Variants in ANK2 observed in about 807,000 individuals in gnomAD.
ANK2 encodes ankyrin 2.
Under a neutral mutation model 360.5 loss-of-function variants are expected in ANK2, and 83 were observed. The ratio of observed to expected loss-of-function variants is 0.23; its 90% CI spans 0.19 to 0.28. ANK2 has a LOEUF of 0.28. Among genes scored for constraint, ANK2 ranks in the 10% least tolerant of loss-of-function variants. The pLI is 1.00. For synonymous variants in ANK2, 1,740 were observed against 1,759.5 expected (o/e 0.99, Z 0.28); for missense variants, 4,201 against 4,795.7 (o/e 0.88, Z 3.66).
At chr4:112,785,572 C>T in the ANK2 span, among the ~76,000 whole-genome samples, 1 of 151,976 alleles carries the variant, frequency 6.6e-6, no homozygotes, top group Non-Finnish European at 1.5e-5. Flanking sequence ...GGGGTTTCAC[C>T]ATGTTGGTCA....
intron 22 of ANK2, among the ~76,000 whole-genome samples, chr4:113,298,037 G>C (rs1329233585): frequency 6.6e-6 from 1 of 151,978 alleles, no homozygotes; most frequent in Non-Finnish European, 1.5e-5. Flanking sequence ...CTCCCAAAAT[G>C]CTAGGATTAC....
intron 1 of ANK2, among the ~76,000 whole-genome samples, chr4:112,838,821 A>G (rs982063749): frequency 1.3e-5 from 2 of 152,204 alleles, no homozygotes; most frequent in African/African-American, 4.8e-5. Context: ...GTGAGTCGAG[A>G]TTGTGCCACT....
intron 23 of ANK2, among the ~76,000 whole-genome samples, chr4:113,303,227 G>A (rs2075791433): frequency 6.6e-6 from 1 of 152,132 alleles, no homozygotes; most frequent in African/African-American, 2.4e-5. Context: ...AGACTTTAAA[G>A]TATACTCCAT....
chr4:113,122,496 C>T (rs1250297173), intron 1 of ANK2, among the ~76,000 whole-genome samples: 1 of 152,050 alleles, frequency 6.6e-6, no homozygotes, highest in Non-Finnish European at 1.5e-5. Flanking sequence ...GTTTTTAAAA[C>T]CTGCATGGAA....
Position 113,208,632 on chromosome 4 carries a change from G to A in ANK2, c.384+9523G>A, listed in dbSNP as rs118096078. ...CCCTCCTACCTCAGCTTTCTGAGTA[G>A]CTAGGACTACAAACATGCACCAACA... On this transcript the variant is annotated intron_variant, in intron 4 of 45. Coordinates refer to ENST00000357077, the MANE Select transcript of ANK2 (RefSeq NM_001148.6). Among the ~76,000 whole-genome samples, 492 of 151,994 alleles carry A rather than the reference G, an allele frequency of 3.2e-3. 16 individuals carry two copies. The East Asian group carries it at 0.067, about 21-fold the overall frequency.
rs142234236 is a variant in ANK2 at position 112,881,967 on chromosome 4, C to T, written c.-39-22488C>T. On this transcript the variant is annotated intron_variant, in intron 1 of 30. Coordinates refer to the ANK2 transcript ENST00000503271. Reference sequence around the variant, plus strand: ...CATCTACCTCCTCCACAGTGGCATACGTGACAAACCCAGAGCCCCCGGAGT... The same window carrying T: ...CATCTACCTCCTCCACAGTGGCATATGTGACAAACCCAGAGCCCCCGGAGT... The T allele has an allele frequency of 8.1e-3, 4,983 of 613,462 alleles. 79 individuals carry two copies. Among genetic ancestry groups the T allele is most frequent in the African/African-American group, 0.032 (1,768 of 55,224 alleles). 38.0% of individuals were successfully genotyped at this position (613,462 alleles called of 1,614,324 possible). A position where few individuals can be genotyped will look rare whatever the true frequency, so the allele number is the denominator to read the frequency against.
chr4:113,329,019 A>G (rs1024484110), intron 26 of ANK2, among the ~76,000 whole-genome samples: 2 of 152,242 alleles, frequency 1.3e-5, no homozygotes, highest in African/African-American at 2.4e-5. Context: ...AAGCAGAGAC[A>G]TGATACACCT....
At chr4:112,850,870 T>C (rs1191645476) in intron 1 of ANK2, among the ~76,000 whole-genome samples, 1 of 152,122 alleles carries the variant, frequency 6.6e-6, no homozygotes, top group African/African-American at 2.4e-5. Flanking sequence ...GTGACTCTTC[T>C]TTGATCATTT....
chr4:113,056,476 G>A (rs979185473), intron 1 of ANK2, among the ~76,000 whole-genome samples: 2 of 152,038 alleles, frequency 1.3e-5, no homozygotes, highest in African/African-American at 4.8e-5. Flanking sequence ...CTTTACTTCT[G>A]TCTTGCTTGT....
chr4:112,715,422 A>T, the ANK2 span, among the ~76,000 whole-genome samples: 2 of 152,136 alleles, frequency 1.3e-5, no homozygotes, highest in African/African-American at 4.8e-5. Context: ...TGTGGGAGGG[A>T]TATTGGCCAC....
chr4:112,974,163 T>C (rs553371697), intron 2 of ANK2, among the ~76,000 whole-genome samples: 1 of 152,298 alleles, frequency 6.6e-6, no homozygotes, highest in South Asian at 2.1e-4. Context: ...TGAGGGGAAA[T>C]GACACACCTC....
At chr4:112,742,945 C>T in the ANK2 span, among the ~76,000 whole-genome samples, 1 of 152,090 alleles carries the variant, frequency 6.6e-6, no homozygotes, top group Non-Finnish European at 1.5e-5. Flanking sequence ...AGGCTGGTCT[C>T]GACTGGCCTC....
At chr4:113,380,538 T>G (rs1240388492) in intron 45 of ANK2, among the ~76,000 whole-genome samples, 2 of 152,162 alleles carry the variant, frequency 1.3e-5, no homozygotes, top group Admixed American at 6.5e-5. Flanking sequence ...GGCACACACC[T>G]GTAGTCCCAG....
At chr4:113,295,763 T>C (rs1420259937) in intron 22 of ANK2, among the ~76,000 whole-genome samples, 1 of 152,190 alleles carries the variant, frequency 6.6e-6, no homozygotes, top group Non-Finnish European at 1.5e-5. Context: ...CAAGTATCTC[T>C]GTTACCTAAA....
At chr4:112,867,670 CTG>C (rs1240437387) in intron 1 of ANK2, among the ~76,000 whole-genome samples, 1 of 133,732 alleles carries the variant, frequency 7.5e-6, no homozygotes, top group Non-Finnish European at 1.6e-5. Context: ...CCTTTTAAGT[CTG>C]TTTTTTTTTT....
rs146218933 is a variant in ANK2 at position 113,133,431 on chromosome 4, G to A, written c.85-40985G>A. On this transcript the variant is annotated intron_variant, in intron 1 of 45. Coordinates refer to ENST00000357077, the MANE Select transcript of ANK2 (RefSeq NM_001148.6). ...TCATTTTTTAGGGGAAGAAAATTAT[G>A]CTTGAATATTTTGCTTGAAAAAGAT... 5.3e-4 allele frequency among the ~76,000 whole-genome samples: 81 copies of A among 152,174 alleles called. 1 individual carries two copies. The highest frequency in any genetic ancestry group is 1.3e-3 in the Admixed American group (20 of 15,284).
At position 113,240,553 on chromosome 4, in the gene ANK2, C is replaced by T; in HGVS notation, c.762C>T (p.Asn254=). Residue 254 remains asparagine, a synonymous_variant, in exon 8 of 46, where the codon AAC becomes AAT. Coordinates refer to ENST00000357077, the MANE Select transcript of ANK2 (RefSeq NM_001148.6). ...TCAACGTGGCAACTCTTCTTCTAAACCGGGGAGCTGCTGTGGACTTCACAG... is the reference window on the plus strand; with the variant it reads ...TCAACGTGGCAACTCTTCTTCTAAATCGGGGAGCTGCTGTGGACTTCACAG... The part of the protein sequence containing the change: ...GNVNVATLLL[N]RGAAVDFTAR... The T allele has an allele frequency of 1.2e-6, 2 of 1,613,862 alleles. No individual in the cohort carries two copies. The highest frequency in any genetic ancestry group is 8.5e-7 in the Non-Finnish European group (1 of 1,179,886).
At chr4:113,307,669 C>G (rs2077893651) in intron 23 of ANK2, among the ~76,000 whole-genome samples, 1 of 152,184 alleles carries the variant, frequency 6.6e-6, no homozygotes, top group African/African-American at 2.4e-5. Context: ...TGCCAAAGTG[C>G]TGGGATTACA....
chr4:113,218,048 T>TA (rs2153476275), intron 4 of ANK2, among the ~76,000 whole-genome samples: 1 of 152,320 alleles, frequency 6.6e-6, no homozygotes, highest in South Asian at 2.1e-4. Flanking sequence ...TCAGCACAGA[T>TA]AAAAACCCAC....
Sources: allele counts gnomAD v4.1 joint callset (sites outside exome capture counted in the v4.1 genomes callset), GRCh38; gene constraint gnomAD v4.1.1; transcripts MANE v1.5; gene names NCBI Gene and HGNC (gene_info 2026-07-23, HGNC 2026-07-21).